The following PLCL1 variants were observed in gnomAD, a reference collection of about 807,000 sequenced individuals.
PLCL1 encodes phospholipase C like 1 (inactive), also known as inactive phospholipase C-like protein 1.
A neutral mutation model predicts 84.4 loss-of-function variants in PLCL1; 41 were observed. The ratio of observed to expected loss-of-function variants is 0.49; its 90% CI spans 0.38 to 0.63. The LOEUF is 0.63. Ranked by LOEUF, PLCL1 falls within the 30% of genes least tolerant of loss-of-function variation. The probability of loss-of-function intolerance (pLI) is 0.00; values close to 1 mark genes in which losing one functional copy is unlikely to be tolerated. For synonymous variants in PLCL1, 490 were observed against 488.3 expected (o/e 1.00, Z -0.05); for missense variants, 1,206 against 1,367.8 (o/e 0.88, Z 1.87).
chr2:197,923,200 C>T (rs1439238036), intron 1 of PLCL1, among the ~76,000 whole-genome samples: 12 of 97,126 alleles, frequency 1.2e-4, no homozygotes, highest in South Asian at 3.7e-4. Context: ...GCTGGCCGGG[C>T]GGGGGGCTGA....
intron 1 of PLCL1, among the ~76,000 whole-genome samples, chr2:197,825,657 G>T (rs1283961628): frequency 6.6e-6 from 1 of 152,170 alleles, no homozygotes; most frequent in East Asian, 1.9e-4. Flanking sequence ...CCATTGCTAG[G>T]TTCGCTTTCC....
intron 4 of PLCL1, 127 bp downstream of exon 4, chr2:198,101,487 G>C (rs1693333649): frequency 1.6e-6 from 1 of 609,740 alleles, no homozygotes; most frequent in East Asian, 2.8e-5. Flanking sequence ...TTATAGCAAT[G>C]CTTAACTATA....
intron 5 of PLCL1, among the ~76,000 whole-genome samples, chr2:198,135,907 A>G (rs1694245382): frequency 1.3e-5 from 2 of 152,196 alleles, no homozygotes; most frequent in Admixed American, 1.3e-4. Flanking sequence ...TTGACACTGA[A>G]CAATGTTGTA....
intron 1 of PLCL1, among the ~76,000 whole-genome samples, chr2:198,023,783 T>A (rs1691196128): frequency 6.6e-6 from 1 of 152,162 alleles, no homozygotes; most frequent in South Asian, 2.1e-4. Flanking sequence ...ATAGGAACAC[T>A]TTTACCCTGT....
chr2:198,131,528 C>T (rs550314199), intron 5 of PLCL1, among the ~76,000 whole-genome samples: 7 of 152,272 alleles, frequency 4.6e-5, no homozygotes, highest in South Asian at 2.1e-4. Flanking sequence ...AAGAACGTCT[C>T]GTCAAATCCC....
At chr2:197,861,810 C>CT in intron 1 of PLCL1, among the ~76,000 whole-genome samples, 1 of 152,266 alleles carries the variant, frequency 6.6e-6, no homozygotes, top group Admixed American at 6.5e-5. Flanking sequence ...TTTGTGTTGA[C>CT]TGTTGAGTGA....
chr2:197,868,671 A>T (rs906610196), intron 1 of PLCL1, among the ~76,000 whole-genome samples: 2 of 138,700 alleles, frequency 1.4e-5, no homozygotes, highest in African/African-American at 5.3e-5. Flanking sequence ...GGCTAATTGA[A>T]TTTTTTTTTT....
In PLCL1 at chr2:198,148,266, A is replaced by C. The variant is rs1215986283; in HGVS notation, c.*1304A>C. On this transcript the variant is annotated 3_prime_UTR_variant, in exon 6 of 6. Transcript: ENST00000428675. ...ATTAATTTGATTAACAAATATGCTA[A>C]TTTGGGGAAACCTAGAGAAGATAAT... 6.6e-6 allele frequency: 1 copy of C among 152,358 alleles called. No individual in the cohort carries two copies. Among genetic ancestry groups the C allele is most frequent in the Non-Finnish European group, 1.5e-5 (1 of 68,028 alleles). 9.4% of individuals were successfully genotyped at this position (152,358 alleles called of 1,614,324 possible).
chr2:198,030,920 T>C (rs1008119946), intron 1 of PLCL1, among the ~76,000 whole-genome samples: 1 of 152,212 alleles, frequency 6.6e-6, no homozygotes, highest in African/African-American at 2.4e-5. Flanking sequence ...AAGAGTCTGC[T>C]AAGGATTTCC....
chr2:197,901,630 G>C (rs1445850645), intron 1 of PLCL1, among the ~76,000 whole-genome samples: 1 of 151,980 alleles, frequency 6.6e-6, no homozygotes, highest in African/African-American at 2.4e-5. Context: ...TTCCAACTGA[G>C]AGAGAGAGAG....
At position 197,812,979 on chromosome 2, in the gene PLCL1, C is replaced by A. The variant is rs552071822; in HGVS notation, c.240+7640C>A. Among the ~76,000 whole-genome samples the A allele has an allele frequency of 2.6e-5, 4 of 152,312 alleles. No individual in the cohort carries two copies. In the East Asian group the frequency reaches 7.7e-4, roughly 29 times the overall value. On this transcript the variant is annotated intron_variant, in intron 1 of 5. Coordinates refer to ENST00000428675, the MANE Select transcript of PLCL1 (RefSeq NM_006226.4). ...CTGTATACTTAAAGCCCACACCCCACCTCCCAGATCTGACAGCCGATGATG... is the reference window on the plus strand; with the variant it reads ...CTGTATACTTAAAGCCCACACCCCAACTCCCAGATCTGACAGCCGATGATG...
At chr2:197,972,915 A>G (rs961954535) in intron 1 of PLCL1, among the ~76,000 whole-genome samples, 1 of 152,154 alleles carries the variant, frequency 6.6e-6, no homozygotes, top group African/African-American at 2.4e-5. Flanking sequence ...AAGCCTTTGC[A>G]TGGTTGTCAG....
At chr2:198,139,866 A>C (rs895250453) in intron 5 of PLCL1, among the ~76,000 whole-genome samples, 2 of 152,164 alleles carry the variant, frequency 1.3e-5, no homozygotes, top group African/African-American at 4.8e-5. Context: ...ATCTCAGTTC[A>C]CATATACATA....
At chr2:198,103,997 G>GT in intron 5 of PLCL1, 61 bp downstream of exon 5, 3 of 767,052 alleles carry the variant, frequency 3.9e-6, no homozygotes, top group Non-Finnish European at 6.3e-6. Flanking sequence ...TCTCTCCAAT[G>GT]TGTAGAGAAA....
chr2:197,816,701 C>T (rs1690697457), intron 1 of PLCL1, among the ~76,000 whole-genome samples: 2 of 151,986 alleles, frequency 1.3e-5, no homozygotes, highest in Admixed American at 1.3e-4. Context: ...AAATAAAGAG[C>T]ATTTAAGTTT....
intron 1 of PLCL1, among the ~76,000 whole-genome samples, chr2:197,996,942 C>T (rs1387489076): frequency 6.6e-6 from 1 of 152,138 alleles, no homozygotes; most frequent in Non-Finnish European, 1.5e-5. Flanking sequence ...CTCACTACAC[C>T]ACATTTTGAA....
In PLCL1 at chr2:198,148,567, C is replaced by T. The variant is rs531050318; in HGVS notation, c.*1605C>T. Reference sequence around the variant, plus strand: ...CACTCGAGGAGGAGGTACCTGAAGTCATTTGAAGGCAAGTTTCCAATGATG... The same window carrying T: ...CACTCGAGGAGGAGGTACCTGAAGTTATTTGAAGGCAAGTTTCCAATGATG... On this transcript the variant is annotated 3_prime_UTR_variant, in exon 6 of 6. Coordinates refer to ENST00000428675, the MANE Select transcript of PLCL1 (RefSeq NM_006226.4). 6.6e-6 allele frequency: 1 copy of T among 152,384 alleles called. No homozygotes were observed. The highest frequency in any genetic ancestry group is 2.1e-4 in the South Asian group (1 of 4,822). The allele number at this position is 152,384 out of a possible 1,614,324, so 9.4% of individuals were successfully genotyped here.
chr2:198,002,655 C>T (rs1244085178), intron 1 of PLCL1, among the ~76,000 whole-genome samples: 1 of 152,068 alleles, frequency 6.6e-6, no homozygotes, highest in African/African-American at 2.4e-5. Flanking sequence ...GATTCTTATG[C>T]ATATAAACTC....
intron 1 of PLCL1, among the ~76,000 whole-genome samples, chr2:197,846,460 A>G (rs1687121918): frequency 6.6e-6 from 1 of 152,180 alleles, no homozygotes. Context: ...TCAGATGACC[A>G]GAAGGCAAAT....
Sources: allele counts gnomAD v4.1 joint callset (sites outside exome capture counted in the v4.1 genomes callset), GRCh38; gene constraint gnomAD v4.1.1; transcripts MANE v1.5; gene names NCBI Gene and HGNC (gene_info 2026-07-23, HGNC 2026-07-21).